CEP104: variants seen among roughly 807,000 people sequenced by gnomAD.
The protein encoded by CEP104 is centrosomal protein 104.
In CEP104, 84 loss-of-function variants were observed where a neutral mutation model predicts 113.3. That is an observed-to-expected ratio of 0.74 (90% CI 0.62 to 0.89). The LOEUF is 0.89. Among genes scored for constraint, CEP104 ranks in the 40% least tolerant of loss-of-function variants. CEP104 has a pLI of 0.00. For synonymous variants in CEP104, 378 were observed against 421.7 expected, an observed-to-expected ratio of 0.90 and a Z score of 1.27; for missense variants, 1,053 against 1,156.6, an observed-to-expected ratio of 0.91 and a Z score of 1.30.
At chr1:3,815,702 TTG>T (rs1187512382) in intron 21 of CEP104, among the ~76,000 whole-genome samples, 185 bp from the exon 22 acceptor site, 27 of 151,898 alleles carry the variant, frequency 1.8e-4, no homozygotes, top group African/African-American at 6.3e-4. Context: ...TTTTTTTTTT[TTG>T]TTGAGACAGA....
intron 20 of CEP104, among the ~76,000 whole-genome samples, chr1:3,817,900 C>A (rs2124633391): frequency 6.6e-6 from 1 of 152,374 alleles, no homozygotes; most frequent in East Asian, 1.9e-4. Flanking sequence ...GGCTGGCGTG[C>A]TGGGCTCAGA....
chr1:3,834,779 C>T (rs1644277944), intron 11 of CEP104, 146 bp downstream of exon 11: 1 of 697,524 alleles, frequency 1.4e-6, no homozygotes, highest in Non-Finnish European at 2.3e-6. Flanking sequence ...GCTAGAGAAC[C>T]TCATTTCTTA....
At chr1:3,820,283 A>C (rs1643945366) in intron 20 of CEP104, among the ~76,000 whole-genome samples, 1 of 152,230 alleles carries the variant, frequency 6.6e-6, no homozygotes, top group Admixed American at 6.5e-5. Context: ...AATGGCAATA[A>C]CTGAAATCAG....
rs748150347 is a variant in CEP104, at chr1:3,826,395, T to G, written c.2230A>C (p.Ile744Leu). Residue 744 changes from isoleucine (I) to leucine (L), a missense_variant, in exon 17 of 22, where the codon ATC becomes CTC. Transcript: ENST00000378230. ...TTATCTAGATAGTGCTCATCCGGGA[T>G]TCCCAGAGCTTCAGCAGGGGCTGCT... ...GKAAPAEALGIPDEHYLDNLC... is the reference protein window; with the variant it reads ...GKAAPAEALGLPDEHYLDNLC... 6.2e-7 allele frequency: 1 copy of G among 1,614,106 alleles called. No homozygotes were observed.
rs533055435 is a variant in CEP104, at chr1:3,832,442, G to A, written c.1660-1220C>T. On this transcript the variant is annotated intron_variant, in intron 12 of 21. Transcript: ENST00000378230. ...CCTGACCAGGAGTGTAGCGTAGGTC[G>A]TGACCAGGAGTGTAGCGTAGGTCGT... Among the ~76,000 whole-genome samples the A allele has an allele frequency of 8.6e-5, 11 of 127,212 alleles. No individual in the cohort carries two copies. The East Asian group carries it at 2.2e-3, about 25-fold the overall frequency. The allele number at this position is 127,212 out of a possible 152,430, so 83.5% of individuals were successfully genotyped here.
intron 20 of CEP104, among the ~76,000 whole-genome samples, chr1:3,816,733 G>C (rs1011346017): frequency 2.0e-5 from 3 of 152,276 alleles, no homozygotes; most frequent in South Asian, 4.1e-4. Context: ...CCAGAAGACA[G>C]AACGCGCCAG....
At position 3,823,590 on chromosome 1, in the gene CEP104, T is replaced by G; in HGVS notation, c.2365-28A>C. 1.2e-6 allele frequency: 2 copies of G among 1,613,950 alleles called. No individual in the cohort carries two copies. The highest frequency in any genetic ancestry group is 1.7e-6 in the Non-Finnish European group (2 of 1,179,904). ...GGATTTCGAAATACAGAGCAAAGCA[T>G]GTTGCTGAGAAAGCGGCAGCGCCCT... On this transcript the variant is annotated intron_variant, in intron 18 of 21. Transcript: ENST00000378230. The surrounding 1 kb of genome is among the most constrained non-coding windows in gnomAD (Gnocchi z 4.1).
At chr1:3,850,023 G>A (rs61768933) in intron 2 of CEP104, among the ~76,000 whole-genome samples, 31,130 of 152,180 alleles carry the variant, frequency 0.2, 3,548 homozygotes, top group Non-Finnish European at 0.25. Context: ...GTTCAGCACT[G>A]TCACGTGCTG....
intron 15 of CEP104, among the ~76,000 whole-genome samples, chr1:3,827,450 A>T (rs184669029): frequency 6.6e-6 from 1 of 152,154 alleles, no homozygotes; most frequent in East Asian, 1.9e-4. Flanking sequence ...GAACTTCTGA[A>T]ATCAAGTGAT....
intron 9 of CEP104, 183 bp from the exon 10 acceptor site, chr1:3,836,875 T>A (rs1644324960): frequency 1.7e-6 from 1 of 598,000 alleles, no homozygotes; most frequent in East Asian, 2.8e-5. Context: ...TTGAAAAGAT[T>A]AGATGAGGCT....
chr1:3,841,360 C>G (rs547651724), intron 6 of CEP104, among the ~76,000 whole-genome samples: 1 of 152,134 alleles, frequency 6.6e-6, no homozygotes, highest in Non-Finnish European at 1.5e-5. Context: ...GCGGCTGGGA[C>G]GGCACCAGCA....
At chr1:3,847,437 T>G in intron 4 of CEP104, 38 bp downstream of exon 4, 1 of 1,527,312 alleles carries the variant, frequency 6.5e-7, no homozygotes, top group Non-Finnish European at 8.8e-7. Context: ...ACAAAGAAGG[T>G]AGGGGCAGAA....
intron 20 of CEP104, among the ~76,000 whole-genome samples, chr1:3,818,985 T>G (rs1007484747): frequency 3.9e-5 from 6 of 152,200 alleles, no homozygotes; most frequent in Non-Finnish European, 7.3e-5. Context: ...TAATTGGGCC[T>G]TTCACATTTG....
At chr1:3,850,426 G>C (rs560451843) in intron 2 of CEP104, among the ~76,000 whole-genome samples, 27 of 152,320 alleles carry the variant, frequency 1.8e-4, no homozygotes, top group Admixed American at 1.6e-3. Context: ...GCTACGGTTG[G>C]TGCAAACTTT....
In CEP104 at chr1:3,813,673, A is replaced by T. The variant is rs1643830871; in HGVS notation, c.*1729T>A. ...AGACCAGCCTGGCCAACATGGTGAA[A>T]CCCCATCTCTACTAAAAATAGAAAA... is the stretch of plus-strand genomic sequence containing the variant. On this transcript the variant is annotated 3_prime_UTR_variant, in exon 22 of 22. Transcript: ENST00000378230. 1 of 149,962 alleles carries T rather than the reference A, an allele frequency of 6.7e-6. No homozygotes were observed. Among genetic ancestry groups the T allele is most frequent in the African/African-American group, 2.5e-5 (1 of 40,634 alleles). The allele number at this position is 149,962 out of a possible 1,614,324, so 9.3% of individuals were successfully genotyped here. A position where few individuals can be genotyped will look rare whatever the true frequency, so the allele number is the denominator to read the frequency against.
intron 11 of CEP104, 42 bp from the exon 12 acceptor site, chr1:3,834,077 A>T (rs772382634): frequency 6.8e-7 from 1 of 1,476,756 alleles, no homozygotes; most frequent in East Asian, 2.3e-5. Context: ...ACTACGGTGC[A>T]ATTCCACCAA....
intron 17 of CEP104, 122 bp downstream of exon 17, chr1:3,826,248 A>G: frequency 1.2e-6 from 1 of 804,420 alleles, no homozygotes; most frequent in Non-Finnish European, 2.1e-6. Flanking sequence ...CAGAAGGCAC[A>G]TTTCCTACCT....
rs1238324803 is a variant in CEP104, at chr1:3,829,966, T to C, written c.1868A>G (p.Tyr623Cys). The change falls in exon 14 of 22, where the codon TAT becomes TGT. Residue 623 changes from tyrosine (Y) to cysteine (C), a missense_variant. Transcript: ENST00000378230. Reference protein sequence around the residue: ...FSVSALEHRVYEVRETAVRII... With the variant: ...FSVSALEHRVCEVRETAVRII... ...TCGAACCGCCGTCTCGCGGACCTCA[T>C]ACACTCTATGCTCCAGGGCACTCAC... 1.2e-6 allele frequency: 2 copies of C among 1,614,196 alleles called. No individual in the cohort carries two copies. Among genetic ancestry groups the C allele is most frequent in the East Asian group, 2.2e-5 (1 of 44,892 alleles).
chr1:3,835,174 T>C (rs954166907), intron 10 of CEP104, 82 bp from the exon 11 acceptor site: 31 of 1,077,722 alleles, frequency 2.9e-5, no homozygotes, highest in Non-Finnish European at 3.6e-5. Context: ...GTTTTTTTTT[T>C]AACTAAAATG....
Sources: gnomAD v4.1 joint callset for allele counts (sites outside exome capture counted in the v4.1 genomes callset) on GRCh38, gnomAD v4.1.1 for gene constraint, Gnocchi (gnomAD v3.1) non-coding constraint, MANE v1.5 for transcripts, NCBI Gene and HGNC (gene_info 2026-07-23, HGNC 2026-07-21) for gene names.